The following FERMT1 variants were observed in gnomAD, a reference collection of about 807,000 sequenced individuals.
FERMT1 encodes the protein FERM domain containing kindlin 1, also known as fermitin family homolog 1.
FERMT1 carries 60 observed loss-of-function variants against 85.3 expected under a neutral mutation model. The observed-to-expected ratio is 0.70, with a 90% CI of 0.57 to 0.87. The LOEUF (loss-of-function observed/expected upper bound fraction) is 0.87. FERMT1 is among the 40% of genes least tolerant of loss of function. The pLI, the probability that FERMT1 is intolerant of heterozygous loss-of-function variation, is 0.00. For synonymous variants in FERMT1, 275 were observed against 301.1 expected, an observed-to-expected ratio of 0.91 and a Z score of 0.90; for missense variants, 701 against 818.9, an observed-to-expected ratio of 0.86 and a Z score of 1.76.
intron 6 of FERMT1, 140 bp from the exon 7 acceptor site, chr20:6,097,771 T>G (rs1414693126): frequency 1.4e-6 from 1 of 720,216 alleles, no homozygotes; most frequent in African/African-American, 1.7e-5. Flanking sequence ...AATACTTCTA[T>G]TGTGCCATAT....
At chr20:6,103,852 A>G (rs1982728151) in intron 6 of FERMT1, among the ~76,000 whole-genome samples, 1 of 121,054 alleles carries the variant, frequency 8.3e-6, no homozygotes, top group South Asian at 2.6e-4. Context: ...TCATTTTTTG[A>G]GTCTATTATT....
chr20:6,120,481 G>A (rs1448331525), intron 1 of FERMT1: 2 of 152,234 alleles, frequency 1.3e-5, no homozygotes, highest in Non-Finnish European at 2.9e-5. Flanking sequence ...AAATGTTTCA[G>A]GGGGTAACTG....
chr20:6,109,883 C>G (rs1362932917), intron 5 of FERMT1, among the ~76,000 whole-genome samples: 1 of 116,828 alleles, frequency 8.6e-6, no homozygotes, highest in African/African-American at 3.6e-5. Flanking sequence ...GCCTGGGCAA[C>G]AAGAGCAAAA....
intron 1 of FERMT1, among the ~76,000 whole-genome samples, chr20:6,120,971 G>A (rs1983256369): frequency 2.0e-5 from 3 of 152,206 alleles, no homozygotes; most frequent in Admixed American, 2.0e-4. Context: ...TGTTCTGCAT[G>A]TTCATTCGAA....
intron 2 of FERMT1, 75 bp from the exon 3 acceptor site, chr20:6,116,119 T>A (rs1337987574): frequency 9.7e-7 from 1 of 1,026,118 alleles, no homozygotes; most frequent in Admixed American, 2.0e-5. Context: ...GCAGAGTCAA[T>A]TTCATTGTGT....
chr20:6,084,985 G>T, intron 12 of FERMT1, 81 bp downstream of exon 12: 1 of 1,375,996 alleles, frequency 7.3e-7, no homozygotes. Flanking sequence ...GAGCCACCAT[G>T]CCCAGCCGGA....
rs35916682 is a variant in FERMT1, at chr20:6,084,695, C to CTTT, written c.1593+368_1593+370dup. The stretch of plus-strand genomic sequence containing the variant: ...TACTCTTAATTAGATGGAATTACTC[C>CTTT]TTTTTTTTTTTTTTCTGAGACACAG... On this transcript the variant is annotated intron_variant, in intron 12 of 14. Coordinates refer to ENST00000217289, the MANE Select transcript of FERMT1 (RefSeq NM_017671.5). Among the ~76,000 whole-genome samples, 37 of 144,298 alleles carry CTTT rather than the reference C, an allele frequency of 2.6e-4. 1 individual carries two copies. The highest frequency in any genetic ancestry group is 3.5e-3 in the Middle Eastern group (1 of 282). 94.7% of individuals were successfully genotyped at this position (144,298 alleles called of 152,430 possible). A position where few individuals can be genotyped will look rare whatever the true frequency, so the allele number is the denominator to read the frequency against.
Position 6,088,984 on chromosome 20 carries a change from T to C in FERMT1, c.1245A>G (p.Leu415=). 1 of 1,612,394 alleles carries C rather than the reference T, an allele frequency of 6.2e-7. No individual in the cohort carries two copies. The highest frequency in any genetic ancestry group is 8.5e-7 in the Non-Finnish European group (1 of 1,178,688). The change falls in exon 10 of 15, where the codon CTA becomes CTG. Residue 415 remains leucine, a synonymous_variant. Transcript: ENST00000217289. The stretch of plus-strand genomic sequence containing the variant: ...TCTTACCTCTAAGATTTAGTTTTTC[T>C]AGTGGTTCTCCTTGTTCAAGTTCCT... ...KNKELEQGEP[L]EKLNLRGCEV...
chr20:6,112,537 C>A lies in FERMT1; in HGVS notation c.472G>T (p.Glu158Ter). The change falls in exon 4 of 15, where the codon GAA becomes TAA. Residue 158 changes from glutamate to a stop codon, truncating the protein, a stop_gained. Transcript: ENST00000217289. LOFTEE classifies it high-confidence loss of function. ...TTTAGAATATCTTCAATTATGGGTTCCTTATTATTTTTGTCTTTTTTCTTC... is the reference window on the plus strand; with the variant it reads ...TTTAGAATATCTTCAATTATGGGTTACTTATTATTTTTGTCTTTTTTCTTC... ...KKKKKDKNNKEPIIEDILNLE... is the reference protein window; with the variant it reads ...KKKKKDKNNK 1 of 1,611,984 alleles carries A rather than the reference C, an allele frequency of 6.2e-7. No individual in the cohort carries two copies. The highest frequency in any genetic ancestry group is 8.5e-7 in the Non-Finnish European group (1 of 1,179,018).
At chr20:6,088,870 C>A (rs111382100) in intron 10 of FERMT1, 95 bp downstream of exon 10, 2 of 1,256,998 alleles carry the variant, frequency 1.6e-6, no homozygotes, top group African/African-American at 1.5e-5. Flanking sequence ...GTGATCCGCC[C>A]GCCTCAGCCT....
chr20:6,094,443 G>T (rs1397003474), intron 9 of FERMT1, among the ~76,000 whole-genome samples: 1 of 152,214 alleles, frequency 6.6e-6, no homozygotes, highest in Non-Finnish European at 1.5e-5. Flanking sequence ...CTCTCTGTAA[G>T]CCCAGGATCA....
intron 6 of FERMT1, among the ~76,000 whole-genome samples, chr20:6,103,787 G>T (rs1430546711): frequency 3.3e-5 from 3 of 91,060 alleles, no homozygotes; most frequent in African/African-American, 1.2e-4. Flanking sequence ...TTTTTTTTTG[G>T]CCAGATGTAC....
chr20:6,089,557 AAAGCTGTCGATATGGACAGCCC>A, intron 9 of FERMT1, among the ~76,000 whole-genome samples: 1 of 152,234 alleles, frequency 6.6e-6, no homozygotes, highest in East Asian at 1.9e-4. Flanking sequence ...TGCATTTGAA[AAAGCTGTCGATATGGACAGCCC>A]AAGCTTCAGG....
At chr20:6,108,419 T>A (rs1385339250) in intron 5 of FERMT1, among the ~76,000 whole-genome samples, 2 of 152,174 alleles carry the variant, frequency 1.3e-5, no homozygotes, top group Non-Finnish European at 2.9e-5. Flanking sequence ...TCATGGATAC[T>A]CTAAAGTAAT....
chr20:6,096,998 T>C lies in FERMT1; in HGVS notation c.993A>G (p.Thr331=). The C allele has an allele frequency of 1.2e-6, 2 of 1,614,054 alleles. No individual in the cohort carries two copies. Among genetic ancestry groups the C allele is most frequent in the Non-Finnish European group, 1.7e-6 (2 of 1,179,932 alleles). Residue 331 remains threonine, a synonymous_variant, in exon 8 of 15, where the codon ACA becomes ACG. Coordinates refer to ENST00000217289, the MANE Select transcript of FERMT1 (RefSeq NM_017671.5). ...CCTCGGACTCGCCTGCAAAATCCTG[T>C]GTTTCAGCAGACAACGACAGTTTGC... ...HISKLSLSAE[T]QDFAGESEVD... is the part of the protein sequence containing the mutation.
chr20:6,098,790 C>A (rs1982576461), intron 6 of FERMT1, among the ~76,000 whole-genome samples: 1 of 152,120 alleles, frequency 6.6e-6, no homozygotes. Context: ...ACTAGAATGG[C>A]TCTTATCTAA....
chr20:6,107,199 CAAAAAAAAAAAAA>C (rs59180891), intron 6 of FERMT1, among the ~76,000 whole-genome samples: 1 of 92,646 alleles, frequency 1.1e-5, no homozygotes, highest in Non-Finnish European at 2.1e-5. Flanking sequence ...CTGTCTCAAC[CAAAAAAAAAAAAA>C]AAAAAAAAAG....
chr20:6,119,566 C>T lies in FERMT1; in HGVS notation c.-12G>A. On this transcript the variant is annotated 5_prime_UTR_variant, in exon 2 of 15. Transcript: ENST00000217289. ...GTGGATGACAGCATTGTGGCAAATG[C>T]TGGTGTCTGCTGAACAAAAAGGCAG... 6.2e-7 allele frequency: 1 copy of T among 1,612,792 alleles called. No individual in the cohort carries two copies. The highest frequency in any genetic ancestry group is 1.3e-5 in the African/African-American group (1 of 74,986).
At chr20:6,121,490 C>T (rs1691369487) in intron 1 of FERMT1, among the ~76,000 whole-genome samples, 1 of 152,250 alleles carries the variant, frequency 6.6e-6, no homozygotes, top group South Asian at 2.1e-4. Context: ...CAGAGATCCA[C>T]ACAGAACCCT....
Sources: gnomAD v4.1 joint callset for allele counts (sites outside exome capture counted in the v4.1 genomes callset) on GRCh38, gnomAD v4.1.1 for gene constraint, MANE v1.5 for transcripts, NCBI Gene and HGNC (gene_info 2026-07-23, HGNC 2026-07-21) for gene names.